Variants in TMEM117 observed in about 807,000 individuals in gnomAD.
TMEM117 encodes the protein transmembrane protein 117.
In TMEM117, 27 loss-of-function variants were observed where a neutral mutation model predicts 52.4. That is an observed-to-expected ratio of 0.51 (90% CI 0.38 to 0.71). The LOEUF (loss-of-function observed/expected upper bound fraction) is 0.71. Ranked by LOEUF, TMEM117 falls within the 30% of genes least tolerant of loss-of-function variation. The probability of loss-of-function intolerance (pLI) is 0.00; values close to 1 mark genes in which losing one functional copy is unlikely to be tolerated. For synonymous variants in TMEM117, 215 were observed against 206.3 expected, an observed-to-expected ratio of 1.04 and a Z score of -0.36; for missense variants, 556 against 630.5, an observed-to-expected ratio of 0.88 and a Z score of 1.26.
chr12:43,805,497 T>G, the TMEM117 span: 1 of 455,496 alleles, frequency 2.2e-6, no homozygotes, highest in Admixed American at 2.4e-5. Context: ...CGGGGATATA[T>G]TATTTGACTC....
intron 6 of TMEM117, among the ~76,000 whole-genome samples, chr12:44,340,646 A>G (rs896440347): frequency 2.0e-5 from 3 of 152,046 alleles, no homozygotes; most frequent in Admixed American, 6.6e-5. Flanking sequence ...GAATTTATTT[A>G]CTGAAAGAAT....
chr12:44,368,524 A>T (rs1951821132), intron 6 of TMEM117, among the ~76,000 whole-genome samples: 1 of 152,098 alleles, frequency 6.6e-6, no homozygotes, highest in Non-Finnish European at 1.5e-5. Flanking sequence ...TTATTTTTTC[A>T]TGGAGAAAAA....
At chr12:43,845,692 C>G (rs890047802) in intron 2 of TMEM117, among the ~76,000 whole-genome samples, 2 of 151,592 alleles carry the variant, frequency 1.3e-5, no homozygotes, top group South Asian at 2.1e-4. Context: ...TCCCTCCCCC[C>G]TCCCCCAACC....
At chr12:44,045,565 C>T (rs966443889) in intron 3 of TMEM117, among the ~76,000 whole-genome samples, 8 of 152,158 alleles carry the variant, frequency 5.3e-5, no homozygotes, top group East Asian at 3.9e-4. Context: ...CAGCAGTGGC[C>T]GGGCACAGTG....
At chr12:44,159,395 A>G (rs942815852) in intron 4 of TMEM117, among the ~76,000 whole-genome samples, 4 of 152,094 alleles carry the variant, frequency 2.6e-5, no homozygotes, top group Non-Finnish European at 5.9e-5. Flanking sequence ...TACTCTTTAA[A>G]GACTTTTTTT....
chr12:44,368,912 G>T (rs143633193), intron 6 of TMEM117, among the ~76,000 whole-genome samples: 1 of 151,958 alleles, frequency 6.6e-6, no homozygotes, highest in East Asian at 1.9e-4. Flanking sequence ...CTTAAGAACT[G>T]CCCACTAGAT....
intron 2 of TMEM117, among the ~76,000 whole-genome samples, chr12:43,915,889 C>A (rs1944593903): frequency 6.6e-6 from 1 of 152,006 alleles, no homozygotes; most frequent in Non-Finnish European, 1.5e-5. Context: ...CATTTCACTG[C>A]CACTGTTGCA....
intron 3 of TMEM117, among the ~76,000 whole-genome samples, chr12:44,128,144 GC>G (rs1948357869): frequency 6.6e-6 from 1 of 152,204 alleles, no homozygotes; most frequent in African/African-American, 2.4e-5. Context: ...TCTCCAGCCT[GC>G]CTGCCTGCTG....
At chr12:44,059,399 T>C (rs1302438107) in intron 3 of TMEM117, among the ~76,000 whole-genome samples, 2 of 152,208 alleles carry the variant, frequency 1.3e-5, no homozygotes, top group Non-Finnish European at 2.9e-5. Flanking sequence ...AGAATCTCCA[T>C]TGTTACAAGG....
At chr12:44,026,749 C>T (rs1409931667) in intron 3 of TMEM117, among the ~76,000 whole-genome samples, 1 of 152,022 alleles carries the variant, frequency 6.6e-6, no homozygotes, top group Non-Finnish European at 1.5e-5. Context: ...AATGATAGTA[C>T]AAAAACTTTC....
At chr12:44,107,984 G>C (rs1216165996) in intron 3 of TMEM117, among the ~76,000 whole-genome samples, 3 of 151,984 alleles carry the variant, frequency 2.0e-5, no homozygotes, top group Non-Finnish European at 4.4e-5. Context: ...TAAACCCTTT[G>C]TATGTTTGTT....
At chr12:44,328,800 C>T (rs558975204) in intron 6 of TMEM117, among the ~76,000 whole-genome samples, 5 of 152,062 alleles carry the variant, frequency 3.3e-5, no homozygotes, top group East Asian at 3.9e-4. Flanking sequence ...AAGAAAGTGT[C>T]ATAAATAGTT....
At chr12:44,041,358 C>T (rs76842947) in intron 3 of TMEM117, among the ~76,000 whole-genome samples, 5,424 of 150,638 alleles carry the variant, frequency 0.036, 204 homozygotes, top group African/African-American at 0.093. Flanking sequence ...TTTAGCAGAT[C>T]AGCTATAAAG....
In TMEM117 at chr12:44,377,486, A is replaced by G. The variant is rs567249844; in HGVS notation, c.898+762A>G. On this transcript the variant is annotated intron_variant, in intron 7 of 7. Transcript: ENST00000266534. The stretch of plus-strand genomic sequence containing the variant: ...GATCTTCAGATTATTTTATTTTCAG[A>G]TATTTTCTGCTTTTGAAATGGCTAA... Among the ~76,000 whole-genome samples the G allele has an allele frequency of 1.7e-3, 264 of 152,214 alleles. 1 individual carries two copies. The highest frequency in any genetic ancestry group is 3.3e-3 in the Non-Finnish European group (225 of 68,000).
chr12:43,807,160 A>G, the TMEM117 span, among the ~76,000 whole-genome samples: 1 of 152,030 alleles, frequency 6.6e-6, no homozygotes, highest in African/African-American at 2.4e-5. Flanking sequence ...CTCTACTGCT[A>G]CTAGGTGGGA....
At chr12:44,143,664 G>A (rs370479994) in intron 4 of TMEM117, 40 bp downstream of exon 4, 11 of 1,446,060 alleles carry the variant, frequency 7.6e-6, no homozygotes, top group Non-Finnish European at 9.7e-6. Flanking sequence ...AACATCAAAC[G>A]GAAGACATGT....
At chr12:43,847,619 G>A (rs1165882395) in intron 2 of TMEM117, among the ~76,000 whole-genome samples, 2 of 152,168 alleles carry the variant, frequency 1.3e-5, no homozygotes, top group Non-Finnish European at 1.5e-5. Context: ...CTGGATTGTT[G>A]AGCAGTGTTC....
chr12:44,108,412 G>A (rs1243005132), intron 3 of TMEM117, among the ~76,000 whole-genome samples: 1 of 99,580 alleles, frequency 1.0e-5, no homozygotes, highest in African/African-American at 4.0e-5. Flanking sequence ...GTGTCCATGT[G>A]ATCTCATTGT....
rs150059544 is a variant in TMEM117 at position 44,252,066 on chromosome 12, A to G, written c.608+40679A>G. Among the ~76,000 whole-genome samples, 30 of 152,234 alleles carry G rather than the reference A, an allele frequency of 2.0e-4. No homozygotes were observed. In the East Asian group the frequency reaches 4.8e-3, roughly 25 times the overall value. Reference sequence around the variant, plus strand: ...CTAGCCTTTTTTCGTCTCTTGACATATCAGTGCTTCAATTTATCTACAGTC... The same window carrying G: ...CTAGCCTTTTTTCGTCTCTTGACATGTCAGTGCTTCAATTTATCTACAGTC... On this transcript the variant is annotated intron_variant, in intron 5 of 7. Coordinates refer to ENST00000266534, the MANE Select transcript of TMEM117 (RefSeq NM_032256.3).
Sources: gnomAD v4.1 joint callset for allele counts (sites outside exome capture counted in the v4.1 genomes callset) on GRCh38, gnomAD v4.1.1 for gene constraint, MANE v1.5 for transcripts, NCBI Gene and HGNC (gene_info 2026-07-23, HGNC 2026-07-21) for gene names.